The following DENND2B variants were observed in gnomAD, a reference collection of about 807,000 sequenced individuals.
DENND2B encodes DENN domain-containing protein 2B.
A neutral mutation model predicts 116.0 loss-of-function variants in DENND2B; 32 were observed. That is an observed-to-expected ratio of 0.28 (90% CI 0.21 to 0.37). The LOEUF is 0.37. Among genes scored for constraint, DENND2B ranks in the 10% least tolerant of loss-of-function variants. The probability of loss-of-function intolerance (pLI) is 1.00; values close to 1 mark genes in which losing one functional copy is unlikely to be tolerated. For synonymous variants in DENND2B, 588 were observed against 583.9 expected (o/e 1.01, Z -0.10); for missense variants, 1,276 against 1,477.7 (o/e 0.86, Z 2.24).
chr11:8,747,873 G>C (rs749034005), intron 2 of DENND2B, among the ~76,000 whole-genome samples: 36 of 152,198 alleles, frequency 2.4e-4, no homozygotes, highest in Non-Finnish European at 4.6e-4. Context: ...ACACACCTGT[G>C]AAAACCTAGG....
In DENND2B at chr11:8,705,939, A is replaced by G. The variant is rs2042521881; in HGVS notation, c.2571+1146T>C. Among the ~76,000 whole-genome samples the G allele has an allele frequency of 2.0e-5, 3 of 152,212 alleles. No homozygotes were observed. The South Asian group carries it at 6.2e-4, about 31-fold the overall frequency. On this transcript the variant is annotated intron_variant, in intron 13 of 19. Transcript: ENST00000313726. ...CGACCATTATCTACATGGCAGCCAC[A>G]GTGGGCTTTGAATACATGTATCAGC...
At chr11:8,840,527 G>A (rs2062588827) in intron 3 of DENND2B, among the ~76,000 whole-genome samples, 1 of 152,172 alleles carries the variant, frequency 6.6e-6, no homozygotes, top group African/African-American at 2.4e-5. Context: ...CTGCCCTGGA[G>A]AAAACAATGG....
chr11:8,875,422 T>A (rs1176698395), upstream of DENND2B, among the ~76,000 whole-genome samples: 1 of 151,968 alleles, frequency 6.6e-6, no homozygotes, highest in Non-Finnish European at 1.5e-5. Context: ...CTGTGATTTT[T>A]TTTTTTAATT....
intron 4 of DENND2B, among the ~76,000 whole-genome samples, chr11:8,816,359 A>C (rs1400764347): frequency 6.6e-6 from 1 of 152,162 alleles, no homozygotes; most frequent in Non-Finnish European, 1.5e-5. Flanking sequence ...TAGCCTGGGC[A>C]ACATAAGGAA....
intron 1 of DENND2B, among the ~76,000 whole-genome samples, chr11:8,784,979 C>T (rs1344735191): frequency 6.6e-6 from 1 of 152,134 alleles, no homozygotes; most frequent in African/African-American, 2.4e-5. Context: ...GCTCTGTGGC[C>T]ACCTATGATG....
intron 1 of DENND2B, chr11:8,895,387 A>G (rs1285681731): frequency 4.6e-5 from 7 of 152,244 alleles, no homozygotes; most frequent in Non-Finnish European, 1.0e-4. Context: ...CCTAGAACTT[A>G]AAGTATAAAA....
chr11:8,771,669 C>G (rs1369303205), intron 1 of DENND2B: 3 of 151,670 alleles, frequency 2.0e-5, no homozygotes, highest in African/African-American at 7.3e-5. Context: ...GTCCCTCTAC[C>G]ATACCTGAAT....
Position 8,764,757 on chromosome 11 carries a change from C to A in DENND2B, c.-25-14032G>T, listed in dbSNP as rs187975457. ...GTCAGGAGTTCAAGACCAGCCTGAC[C>A]AACATGGTGAAGTCCTGTCTCTACT... On this transcript the variant is annotated intron_variant, in intron 1 of 19. Coordinates refer to ENST00000313726, the MANE Select transcript of DENND2B (RefSeq NM_213618.2). Among the ~76,000 whole-genome samples the A allele has an allele frequency of 2.5e-3, 373 of 152,034 alleles. 1 individual carries two copies. Among genetic ancestry groups the A allele is most frequent in the Non-Finnish European group, 4.5e-3 (304 of 67,948 alleles).
chr11:8,767,344 C>A (rs531195088), intron 1 of DENND2B, among the ~76,000 whole-genome samples: 1 of 151,994 alleles, frequency 6.6e-6, no homozygotes, highest in Non-Finnish European at 1.5e-5. Flanking sequence ...GAAAGGCTCT[C>A]GTGTGAAAAA....
chr11:8,764,055 C>T (rs1351265865), intron 1 of DENND2B, among the ~76,000 whole-genome samples: 1 of 152,026 alleles, frequency 6.6e-6, no homozygotes, highest in Non-Finnish European at 1.5e-5. Flanking sequence ...GAAACCCCGT[C>T]TCTACTAAAA....
At chr11:8,824,686 CA>C (rs1414861984) in intron 4 of DENND2B, among the ~76,000 whole-genome samples, 72 of 151,276 alleles carry the variant, frequency 4.8e-4, no homozygotes, top group African/African-American at 1.7e-3. Context: ...TATAATCAAA[CA>C]AAATTTTTTT....
Position 8,712,677 on chromosome 11 carries a change from G to C in DENND2B, c.2046C>G (p.Arg682=). 1.2e-6 allele frequency: 2 copies of C among 1,610,284 alleles called. No homozygotes were observed. Among genetic ancestry groups the C allele is most frequent in the Admixed American group, 1.7e-5 (1 of 59,494 alleles). ...QSMLKRAPSY[R]TLELELLEWQ... is the part of the protein sequence containing the mutation. ...ACTCCAGCAGCTCCAGCTCCAGCGT[G>C]CGATAGCTGGGGGCGCGCTTCAGCA... The change falls in exon 9 of 20, where the codon CGC becomes CGG. Residue 682 remains arginine (R), a synonymous_variant. Coordinates refer to ENST00000313726, the MANE Select transcript of DENND2B (RefSeq NM_213618.2). The surrounding 1 kb of genome is among the most constrained non-coding windows in gnomAD (Gnocchi z 4.4).
intron 1 of DENND2B, among the ~76,000 whole-genome samples, chr11:8,769,977 AAAAG>A (rs1022674206): frequency 6.6e-6 from 1 of 152,136 alleles, no homozygotes; most frequent in Non-Finnish European, 1.5e-5. Flanking sequence ...CAAAACATAA[AAAAG>A]AAAGAAAGGG....
At chr11:8,744,425 C>T (rs958562194) in intron 2 of DENND2B, among the ~76,000 whole-genome samples, 2 of 152,064 alleles carry the variant, frequency 1.3e-5, no homozygotes, top group African/African-American at 4.8e-5. Context: ...TCAGCCACCG[C>T]ACCCAGCCAA....
intron 19 of DENND2B, 65 bp from the exon 20 acceptor site, chr11:8,694,195 C>G (rs924796592): frequency 2.5e-5 from 40 of 1,575,878 alleles, no homozygotes; most frequent in Non-Finnish European, 1.8e-5. Context: ...ACTCCCTCTC[C>G]TCCTTGTAGC....
intron 14 of DENND2B, among the ~76,000 whole-genome samples, chr11:8,700,815 A>C (rs542054205): frequency 9.2e-5 from 14 of 152,076 alleles, no homozygotes; most frequent in Non-Finnish European, 5.9e-5. Flanking sequence ...TTTTAAAAAA[A>C]TTTTTAAATT....
chr11:8,750,770 CA>C, intron 1 of DENND2B, 45 bp from the exon 2 acceptor site: 2 of 1,576,500 alleles, frequency 1.3e-6, no homozygotes, highest in Non-Finnish European at 1.7e-6. Context: ...TATAGGCAGC[CA>C]AAAGCACCTT....
intron 4 of DENND2B, among the ~76,000 whole-genome samples, chr11:8,724,552 T>C (rs977655463): frequency 6.6e-6 from 1 of 152,166 alleles, no homozygotes; most frequent in African/African-American, 2.4e-5. Context: ...CTAATAGAAT[T>C]GAAATGAACG....
intron 1 of DENND2B, among the ~76,000 whole-genome samples, chr11:8,894,256 A>T (rs1414169119): frequency 1.3e-5 from 2 of 152,232 alleles, no homozygotes; most frequent in African/African-American, 4.8e-5. Context: ...TTCAAGATGG[A>T]TTAAAGACTT....
Sources: allele counts gnomAD v4.1 joint callset (sites outside exome capture counted in the v4.1 genomes callset), GRCh38; gene constraint gnomAD v4.1.1; non-coding constraint Gnocchi (gnomAD v3.1); transcripts MANE v1.5; gene names NCBI Gene and HGNC (gene_info 2026-07-23, HGNC 2026-07-21).